The following GTF2H1 variants were observed in gnomAD, a reference collection of about 807,000 sequenced individuals.
GTF2H1 encodes the protein BTF2 p62.
In GTF2H1, 16 loss-of-function variants were observed where a neutral mutation model predicts 71.2. The observed-to-expected ratio is 0.22, with a 90% CI of 0.15 to 0.34. The LOEUF (loss-of-function observed/expected upper bound fraction) is 0.34. Ranked by LOEUF, GTF2H1 falls within the 10% of genes least tolerant of loss-of-function variation. The pLI is 1.00. For synonymous variants in GTF2H1, 215 were observed against 219.0 expected (o/e 0.98, Z 0.16); for missense variants, 498 against 648.2 (o/e 0.77, Z 2.52).
At chr11:18,357,601 T>G (rs1434751393) in intron 11 of GTF2H1, among the ~76,000 whole-genome samples, 4 of 152,168 alleles carry the variant, frequency 2.6e-5, no homozygotes, top group African/African-American at 4.8e-5. Context: ...ACATGTTGTT[T>G]TACCTGTTTT....
chr11:18,342,574 A>G (rs1271472723), intron 7 of GTF2H1, among the ~76,000 whole-genome samples: 5 of 151,966 alleles, frequency 3.3e-5, no homozygotes, highest in South Asian at 2.1e-4. Flanking sequence ...TGTATTTTCA[A>G]TTTATACTTT....
At chr11:18,355,703 CAG>C (rs1466146927) in intron 11 of GTF2H1, among the ~76,000 whole-genome samples, 1 of 151,690 alleles carries the variant, frequency 6.6e-6, no homozygotes, top group African/African-American at 2.4e-5. Flanking sequence ...TGTGTGTAGA[CAG>C]GGTTTCACCA....
At chr11:18,323,507 G>C (rs1017757507) in intron 1 of GTF2H1, among the ~76,000 whole-genome samples, 2 of 151,746 alleles carry the variant, frequency 1.3e-5, no homozygotes, top group Non-Finnish European at 2.9e-5. Flanking sequence ...GATGGGGAAA[G>C]AAGATATGAA....
At position 18,361,389 on chromosome 11, in the gene GTF2H1, G is replaced by A. The variant is rs1030082748; in HGVS notation, c.1560+682G>A. 2.6e-5 allele frequency among the ~76,000 whole-genome samples: 4 copies of A among 152,004 alleles called. No homozygotes were observed. The South Asian group carries it at 6.2e-4, about 24-fold the overall frequency. ...CTTAGAAAAGTTTTACAATCTGGCC[G>A]GGTGCGGTGGCTCATGCCTGTAATC... On this transcript the variant is annotated intron_variant, in intron 14 of 14. Coordinates refer to ENST00000265963, the MANE Select transcript of GTF2H1 (RefSeq NM_005316.4).
chr11:18,346,949 G>A (rs1367061570), intron 7 of GTF2H1, among the ~76,000 whole-genome samples: 1 of 150,174 alleles, frequency 6.7e-6, no homozygotes, highest in Middle Eastern at 3.4e-3. Flanking sequence ...CATGTTGGCC[G>A]GGCTAGTTTT....
At chr11:18,335,567 G>C (rs4150578) in intron 2 of GTF2H1, among the ~76,000 whole-genome samples, 187 bp from the exon 3 acceptor site, 5,036 of 152,264 alleles carry the variant, frequency 0.033, 269 homozygotes, top group African/African-American at 0.11. Context: ...GTGTTAGTGA[G>C]TTTGATGAGC....
chr11:18,323,672 C>G (rs1267702709), intron 1 of GTF2H1, among the ~76,000 whole-genome samples: 1 of 152,102 alleles, frequency 6.6e-6, no homozygotes, highest in Non-Finnish European at 1.5e-5. Context: ...AGGAGTGGAA[C>G]AATTTCTCCC....
At chr11:18,339,457 CA>C in intron 4 of GTF2H1, 106 bp from the exon 5 acceptor site, 1 of 679,420 alleles carries the variant, frequency 1.5e-6, no homozygotes, top group Non-Finnish European at 2.6e-6. Flanking sequence ...TCTGTCTATG[CA>C]GTTAGTTCAG....
intron 1 of GTF2H1, among the ~76,000 whole-genome samples, chr11:18,330,855 A>G (rs1020411952): frequency 1.3e-5 from 2 of 152,206 alleles, no homozygotes; most frequent in Non-Finnish European, 2.9e-5. Context: ...GGATAAATGT[A>G]TTCACATTGA....
At chr11:18,356,679 G>A (rs2133986200) in intron 11 of GTF2H1, among the ~76,000 whole-genome samples, 1 of 151,928 alleles carries the variant, frequency 6.6e-6, no homozygotes, top group South Asian at 2.1e-4. Flanking sequence ...TGAACTCCTG[G>A]GCTCAGGCGA....
At chr11:18,344,656 A>G (rs779555696) in intron 7 of GTF2H1, among the ~76,000 whole-genome samples, 142 of 151,252 alleles carry the variant, frequency 9.4e-4, no homozygotes, top group Admixed American at 1.5e-3. Context: ...TATAAATCAG[A>G]TCCTAATAAT....
At chr11:18,332,309 C>T (rs977934327) in intron 1 of GTF2H1, among the ~76,000 whole-genome samples, 2 of 152,208 alleles carry the variant, frequency 1.3e-5, no homozygotes, top group Non-Finnish European at 2.9e-5. Context: ...CATCCTGGCC[C>T]ATGGCAGACA....
At chr11:18,330,826 G>C (rs1466938189) in intron 1 of GTF2H1, among the ~76,000 whole-genome samples, 2 of 152,014 alleles carry the variant, frequency 1.3e-5, no homozygotes, top group African/African-American at 4.8e-5. Flanking sequence ...CAGGCTCCTT[G>C]GCTCAGTACA....
intron 1 of GTF2H1, among the ~76,000 whole-genome samples, chr11:18,331,150 CGATTCTCCT>C (rs1864885723): frequency 6.6e-6 from 1 of 152,082 alleles, no homozygotes; most frequent in Non-Finnish European, 1.5e-5. Context: ...TGGGCTCAAG[CGATTCTCCT>C]GATTCTCCCG....
intron 11 of GTF2H1, among the ~76,000 whole-genome samples, chr11:18,357,062 A>T (rs989079766): frequency 6.6e-6 from 1 of 152,122 alleles, no homozygotes; most frequent in Non-Finnish European, 1.5e-5. Context: ...CCCTTCACTC[A>T]TGGTTGTCCC....
chr11:18,346,856 C>T (rs1865307548), intron 7 of GTF2H1, among the ~76,000 whole-genome samples: 1 of 149,386 alleles, frequency 6.7e-6, no homozygotes, highest in South Asian at 2.1e-4. Flanking sequence ...CTGCCTCACT[C>T]AGCCTCCCCA....
In GTF2H1 at chr11:18,366,730, T is replaced by A. The variant is rs1865833461; in HGVS notation, c.*861T>A. 1 of 152,570 alleles carries A rather than the reference T, an allele frequency of 6.6e-6. No homozygotes were observed. The highest frequency in any genetic ancestry group is 6.6e-5 in the Admixed American group (1 of 15,214). The allele number at this position is 152,570 out of a possible 1,614,324, so 9.5% of individuals were successfully genotyped here. A position where few individuals can be genotyped will look rare whatever the true frequency, so the allele number is the denominator to read the frequency against. ...CTTTGAAAAGAAGATATTGCATTTTTAAGAGTTTAAAAATCTTATGAGTGA... is the reference window on the plus strand; with the variant it reads ...CTTTGAAAAGAAGATATTGCATTTTAAAGAGTTTAAAAATCTTATGAGTGA... On this transcript the variant is annotated 3_prime_UTR_variant, in exon 15 of 15. Coordinates refer to ENST00000265963, the MANE Select transcript of GTF2H1 (RefSeq NM_005316.4).
At chr11:18,343,710 T>G (rs965127338) in intron 7 of GTF2H1, among the ~76,000 whole-genome samples, 8 of 152,226 alleles carry the variant, frequency 5.3e-5, no homozygotes, top group African/African-American at 1.9e-4. Flanking sequence ...CATCTCAACT[T>G]CACATGTAAA....
chr11:18,360,735 ATCT>A (rs764962181), intron 14 of GTF2H1, 28 bp downstream of exon 14: 10 of 1,132,248 alleles, frequency 8.8e-6, no homozygotes, highest in South Asian at 5.6e-5. Context: ...TTTTTGCCTG[ATCT>A]TCTTTCTCTT....
Sources: allele counts gnomAD v4.1 joint callset (sites outside exome capture counted in the v4.1 genomes callset), GRCh38; gene constraint gnomAD v4.1.1; transcripts MANE v1.5; gene names NCBI Gene and HGNC (gene_info 2026-07-23, HGNC 2026-07-21).